The following DENND1A variants were observed in gnomAD, a reference collection of about 807,000 sequenced individuals.
The protein encoded by DENND1A is DENN domain-containing protein 1A.
In DENND1A, 51 loss-of-function variants were observed where a neutral mutation model predicts 113.7. The observed-to-expected ratio is 0.45, with a 90% CI of 0.36 to 0.57. DENND1A has a LOEUF of 0.57. Among genes scored for constraint, DENND1A ranks in the 20% least tolerant of loss-of-function variants. DENND1A has a pLI of 0.00. For synonymous variants in DENND1A, 565 were observed against 570.8 expected, an observed-to-expected ratio of 0.99 and a Z score of 0.14; for missense variants, 1,258 against 1,395.9, an observed-to-expected ratio of 0.90 and a Z score of 1.57.
At chr9:123,534,557 T>C (rs2055576468) in intron 13 of DENND1A, among the ~76,000 whole-genome samples, 1 of 152,220 alleles carries the variant, frequency 6.6e-6, no homozygotes, top group Non-Finnish European at 1.5e-5. Context: ...AATGCCAAAT[T>C]GTTTTCCAAA....
chr9:123,387,952 C>A, intron 21 of DENND1A, 94 bp from the exon 22 acceptor site: 1 of 1,210,776 alleles, frequency 8.3e-7, no homozygotes, highest in Non-Finnish European at 1.1e-6. Context: ...CTGGGCTCCA[C>A]GCCTGGCCCT....
intron 5 of DENND1A, among the ~76,000 whole-genome samples, chr9:123,719,622 A>G: frequency 6.6e-6 from 1 of 151,608 alleles, no homozygotes; most frequent in Non-Finnish European, 1.5e-5. Context: ...CAGAAGTGTT[A>G]AAGGTTTTCA....
chr9:123,651,790 T>G (rs1409422408), intron 9 of DENND1A, among the ~76,000 whole-genome samples: 1 of 151,260 alleles, frequency 6.6e-6, no homozygotes, highest in African/African-American at 2.4e-5. Context: ...TAACACACAA[T>G]CAAATGGAAA....
chr9:123,399,254 C>T (rs973263075), intron 21 of DENND1A, among the ~76,000 whole-genome samples: 5 of 152,254 alleles, frequency 3.3e-5, no homozygotes, highest in South Asian at 2.1e-4. Flanking sequence ...ATCAGACAGC[C>T]GATCCTACCA....
chr9:123,550,026 C>A (rs2056944965), intron 13 of DENND1A, among the ~76,000 whole-genome samples: 1 of 152,212 alleles, frequency 6.6e-6, no homozygotes, highest in African/African-American at 2.4e-5. Context: ...TTTTTCCAAC[C>A]TGCTCCAACA....
intron 2 of DENND1A, among the ~76,000 whole-genome samples, chr9:123,793,273 G>A (rs1332202496): frequency 2.6e-5 from 4 of 151,992 alleles, no homozygotes; most frequent in Non-Finnish European, 5.9e-5. Flanking sequence ...ACAAATACAT[G>A]GCAGAAAATA....
At chr9:123,610,296 G>A (rs1333034769) in intron 10 of DENND1A, among the ~76,000 whole-genome samples, 1 of 152,200 alleles carries the variant, frequency 6.6e-6, no homozygotes, top group Non-Finnish European at 1.5e-5. Flanking sequence ...GACATTATAT[G>A]AGGAACTTTA....
chr9:123,492,984 T>C (rs2051516277), intron 13 of DENND1A: 1 of 152,248 alleles, frequency 6.6e-6, no homozygotes, highest in African/African-American at 2.4e-5. Context: ...TGGGGAATAA[T>C]GACACATGGT....
intron 10 of DENND1A, among the ~76,000 whole-genome samples, chr9:123,620,085 A>G (rs2060866074): frequency 6.6e-6 from 1 of 151,742 alleles, no homozygotes; most frequent in Admixed American, 6.6e-5. Flanking sequence ...GTGGTGGCGC[A>G]TATCTGTAAT....
intron 13 of DENND1A, among the ~76,000 whole-genome samples, chr9:123,536,144 A>G (rs2055746604): frequency 6.6e-6 from 1 of 152,212 alleles, no homozygotes; most frequent in Admixed American, 6.5e-5. Flanking sequence ...AACTGGCTTC[A>G]TGTTGGTATT....
chr9:123,551,268 A>G (rs1012995019), intron 13 of DENND1A, among the ~76,000 whole-genome samples: 1 of 152,194 alleles, frequency 6.6e-6, no homozygotes, highest in African/African-American at 2.4e-5. Flanking sequence ...ATAGGACAGG[A>G]TGCAATGTGT....
intron 2 of DENND1A, among the ~76,000 whole-genome samples, chr9:123,794,948 C>T (rs577032129): frequency 1.5e-4 from 23 of 152,238 alleles, no homozygotes; most frequent in African/African-American, 4.6e-4. Flanking sequence ...GCAATATAAA[C>T]GCCATCAATT....
intron 13 of DENND1A, among the ~76,000 whole-genome samples, chr9:123,515,492 G>C (rs1245800517): frequency 6.6e-6 from 1 of 151,982 alleles, no homozygotes; most frequent in Non-Finnish European, 1.5e-5. Context: ...CAAAACAAAA[G>C]GCACAGTGTG....
At chr9:123,447,992 G>T (rs762010219) in intron 18 of DENND1A, among the ~76,000 whole-genome samples, 1 of 152,164 alleles carries the variant, frequency 6.6e-6, no homozygotes, top group African/African-American at 2.4e-5. Flanking sequence ...AAATCTGTAC[G>T]ACCGAAGGGG....
At chr9:123,871,843 T>G (rs1846669201) in intron 2 of DENND1A, among the ~76,000 whole-genome samples, 1 of 152,228 alleles carries the variant, frequency 6.6e-6, no homozygotes, top group Non-Finnish European at 1.5e-5. Flanking sequence ...CAAGCATTTC[T>G]GAAGAACCTG....
chr9:123,417,665 C>G (rs533330218), intron 19 of DENND1A, among the ~76,000 whole-genome samples: 1 of 152,330 alleles, frequency 6.6e-6, no homozygotes, highest in East Asian at 1.9e-4. Flanking sequence ...AGATCTGTGC[C>G]TCAGAGAAAA....
intron 13 of DENND1A, among the ~76,000 whole-genome samples, chr9:123,539,352 GA>G (rs2135548700): frequency 6.6e-6 from 1 of 152,282 alleles, no homozygotes; most frequent in South Asian, 2.1e-4. Context: ...GTAAGTAAAT[GA>G]AAGGGGTGGA....
chr9:123,854,745 A>G (rs987181523), intron 2 of DENND1A, among the ~76,000 whole-genome samples: 1 of 150,718 alleles, frequency 6.6e-6, no homozygotes, highest in Non-Finnish European at 1.5e-5. Context: ...AAATGAAGCA[A>G]CTGATTTAAT....
intron 12 of DENND1A, among the ~76,000 whole-genome samples, chr9:123,560,649 C>T (rs150247370): frequency 6.7e-6 from 1 of 148,546 alleles, no homozygotes; most frequent in African/African-American, 2.5e-5. Context: ...ATGATTGCAC[C>T]GTGGCACTCC....
Sources: gnomAD v4.1 joint callset for allele counts (sites outside exome capture counted in the v4.1 genomes callset) on GRCh38, gnomAD v4.1.1 for gene constraint, MANE v1.5 for transcripts, NCBI Gene and HGNC (gene_info 2026-07-23, HGNC 2026-07-21) for gene names.